AUTS2: variants seen among roughly 807,000 people sequenced by gnomAD.
The protein encoded by AUTS2 is autism susceptibility gene 2 protein.
In AUTS2, 17 loss-of-function variants were observed where a neutral mutation model predicts 112.4. That is an observed-to-expected ratio of 0.15 (90% CI 0.10 to 0.23). AUTS2 has a LOEUF of 0.23. Ranked by LOEUF, AUTS2 falls within the 10% of genes least tolerant of loss-of-function variation. AUTS2 has a pLI of 1.00. For missense variants in AUTS2, 1,510 were observed against 1,701.6 expected (o/e 0.89, Z 1.98); for synonymous variants, 751 against 702.7 (o/e 1.07, Z -1.09).
At chr7:70,052,650 G>T (rs1421078455) in intron 2 of AUTS2, among the ~76,000 whole-genome samples, 1 of 152,186 alleles carries the variant, frequency 6.6e-6, no homozygotes, top group African/African-American at 2.4e-5. Flanking sequence ...TGCCTGAACT[G>T]GGAGTAGAGG....
intron 1 of AUTS2, among the ~76,000 whole-genome samples, chr7:69,626,494 A>C (rs1266210235): frequency 6.6e-6 from 1 of 152,126 alleles, no homozygotes; most frequent in Non-Finnish European, 1.5e-5. Context: ...GATTTTGCTA[A>C]TGACTTGGAT....
intron 4 of AUTS2, among the ~76,000 whole-genome samples, chr7:70,136,970 C>CAT (rs1491305507): frequency 1.3e-5 from 2 of 152,168 alleles, no homozygotes; most frequent in African/African-American, 4.8e-5. Flanking sequence ...TGTGTGCATG[C>CAT]ACACACACGC....
At position 70,629,909 on chromosome 7, in the gene AUTS2, CA is replaced by C. The variant is rs372112927; in HGVS notation, c.691-68659del. Among the ~76,000 whole-genome samples, 9 of 152,158 alleles carry C rather than the reference CA, an allele frequency of 5.9e-5. 1 individual carries two copies. Among genetic ancestry groups the C allele is most frequent in the African/African-American group, 1.7e-4 (7 of 41,510 alleles). On this transcript the variant is annotated intron_variant, in intron 5 of 18. Coordinates refer to ENST00000342771, the MANE Select transcript of AUTS2 (RefSeq NM_015570.4). ...TGTTTAATGAAATATGGATTTATAC[CA>C]TAAATATTGGAGTCGTGTAGTCCAT...
chr7:70,251,623 T>C (rs897286582), intron 4 of AUTS2, among the ~76,000 whole-genome samples: 6 of 152,200 alleles, frequency 3.9e-5, no homozygotes, highest in Non-Finnish European at 8.8e-5. Context: ...TTAGACCTTC[T>C]TTCTCACTGT....
chr7:70,007,972 AGATT>A (rs774049002), intron 2 of AUTS2, among the ~76,000 whole-genome samples: 16 of 152,192 alleles, frequency 1.1e-4, no homozygotes, highest in Non-Finnish European at 1.5e-4. Flanking sequence ...CTTGATTACT[AGATT>A]GATTGGGCAT....
At chr7:70,077,186 T>C (rs1317582420) in intron 2 of AUTS2, among the ~76,000 whole-genome samples, 1 of 152,076 alleles carries the variant, frequency 6.6e-6, no homozygotes, top group Non-Finnish European at 1.5e-5. Context: ...TCACTGGCAA[T>C]ATTGTAGACA....
At chr7:70,183,671 G>A (rs893686905) in intron 4 of AUTS2, among the ~76,000 whole-genome samples, 10 of 152,160 alleles carry the variant, frequency 6.6e-5, no homozygotes, top group Non-Finnish European at 1.3e-4. Flanking sequence ...TGGGTCAAGT[G>A]CTGCTCAGAG....
chr7:70,535,930 A>G (rs929162336), intron 5 of AUTS2, among the ~76,000 whole-genome samples: 1 of 152,226 alleles, frequency 6.6e-6, no homozygotes, highest in African/African-American at 2.4e-5. Flanking sequence ...AGTGTAAAAC[A>G]AAGGATCTCA....
At chr7:69,900,737 A>G (rs1271298116) in intron 2 of AUTS2, among the ~76,000 whole-genome samples, 1 of 152,210 alleles carries the variant, frequency 6.6e-6, no homozygotes, top group East Asian at 1.9e-4. Flanking sequence ...CTGGTAAAAC[A>G]TCTGGGGTGA....
chr7:70,367,205 G>A (rs1197416325), intron 4 of AUTS2, among the ~76,000 whole-genome samples: 1 of 152,160 alleles, frequency 6.6e-6, no homozygotes, highest in Non-Finnish European at 1.5e-5. Context: ...GCAGGTTGCA[G>A]TGAGCCAAGA....
intron 1 of AUTS2, among the ~76,000 whole-genome samples, chr7:69,891,212 A>G (rs1408135601): frequency 6.6e-6 from 1 of 152,184 alleles, no homozygotes; most frequent in African/African-American, 2.4e-5. Flanking sequence ...CTAGGATTTT[A>G]TATAAATGGG....
intron 6 of AUTS2, among the ~76,000 whole-genome samples, chr7:70,705,950 G>A (rs1563141037): frequency 2.0e-5 from 3 of 152,224 alleles, no homozygotes; most frequent in Admixed American, 6.5e-5. Context: ...GAATGTGGGA[G>A]TAGGGAAAAA....
chr7:70,063,786 G>A (rs1040802076), intron 2 of AUTS2, among the ~76,000 whole-genome samples: 21 of 152,116 alleles, frequency 1.4e-4, no homozygotes, highest in African/African-American at 4.6e-4. Flanking sequence ...CACTTCACCT[G>A]CTCTCCAGCT....
intron 1 of AUTS2, among the ~76,000 whole-genome samples, chr7:69,638,933 GTGTT>G (rs1794676229): frequency 6.6e-6 from 1 of 152,220 alleles, no homozygotes; most frequent in Non-Finnish European, 1.5e-5. Context: ...TTTGCATACA[GTGTT>G]TGTTTGGAAC....
At chr7:69,768,460 A>G (rs186711845) in intron 1 of AUTS2, among the ~76,000 whole-genome samples, 141 of 152,244 alleles carry the variant, frequency 9.3e-4, no homozygotes, top group Non-Finnish European at 1.7e-3. Context: ...GTAGCCTGTG[A>G]GTGTATATTT....
chr7:70,177,751 T>A (rs1462520041), intron 4 of AUTS2, among the ~76,000 whole-genome samples: 1 of 152,134 alleles, frequency 6.6e-6, no homozygotes, highest in Non-Finnish European at 1.5e-5. Context: ...GCTTTCTGTA[T>A]ACCACCCCAC....
chr7:70,416,836 CCTCCTCTGACACACA>C (rs547634866), intron 4 of AUTS2, among the ~76,000 whole-genome samples: 5 of 152,308 alleles, frequency 3.3e-5, no homozygotes, highest in Non-Finnish European at 5.9e-5. Flanking sequence ...CCCCTGCTCC[CCTCCTCTGACACACA>C]CACTCTGAGC....
intron 1 of AUTS2, among the ~76,000 whole-genome samples, chr7:69,845,104 T>TA (rs1792138887): frequency 6.6e-6 from 1 of 152,192 alleles, no homozygotes; most frequent in Non-Finnish European, 1.5e-5. Flanking sequence ...CAAAGTGTGT[T>TA]AGAATTCACC....
intron 5 of AUTS2, among the ~76,000 whole-genome samples, chr7:70,448,023 G>A (rs1796385581): frequency 6.6e-6 from 1 of 152,166 alleles, no homozygotes; most frequent in South Asian, 2.1e-4. Context: ...TTGTCTCCCA[G>A]TAATTAGTGG....
Sources: gnomAD v4.1 joint callset for allele counts (sites outside exome capture counted in the v4.1 genomes callset) on GRCh38, gnomAD v4.1.1 for gene constraint, MANE v1.5 for transcripts, NCBI Gene and HGNC (gene_info 2026-07-23, HGNC 2026-07-21) for gene names.